Variants in NCKAP1 observed in about 807,000 individuals in gnomAD.
NCKAP1 encodes NCK associated protein 1.
Under a neutral mutation model 151.2 loss-of-function variants are expected in NCKAP1, and 21 were observed. The ratio of observed to expected loss-of-function variants is 0.14; its 90% CI spans 0.10 to 0.20. The LOEUF (loss-of-function observed/expected upper bound fraction) is 0.20. NCKAP1 is among the 10% of genes least tolerant of loss of function. NCKAP1 has a pLI of 1.00. For synonymous variants in NCKAP1, 484 were observed against 451.8 expected (o/e 1.07, Z -0.90); for missense variants, 933 against 1,352.1 (o/e 0.69, Z 4.86).
intron 1 of NCKAP1, among the ~76,000 whole-genome samples, chr2:183,033,325 T>G (rs570006555): frequency 6.6e-6 from 1 of 152,234 alleles, no homozygotes; most frequent in Non-Finnish European, 1.5e-5. Flanking sequence ...CAATCTGAAA[T>G]AGTAACTAGT....
chr2:182,979,155 T>C (rs961796564), intron 13 of NCKAP1, among the ~76,000 whole-genome samples: 5 of 152,082 alleles, frequency 3.3e-5, no homozygotes, highest in Admixed American at 6.6e-5. Context: ...ATACACTATA[T>C]AGGAAAATTT....
In NCKAP1 at chr2:182,995,825, G is replaced by A. The variant is rs748595630; in HGVS notation, c.617C>T (p.Ala206Val). 2 of 1,609,812 alleles carry A rather than the reference G, an allele frequency of 1.2e-6. No homozygotes were observed. Among genetic ancestry groups the A allele is most frequent in the Non-Finnish European group, 1.7e-6 (2 of 1,176,408 alleles). ...ATATACCATTTGAAGAGAAATTAGT[G>A]CATCTGAAAGAGACTAATTAAAATA... ...FVPHSKSLSD[A>V]LISLQMVYPR... The change falls in exon 7 of 31, where the codon GCA becomes GTA. Residue 206 changes from alanine (A) to valine (V), a missense_variant. Around this residue, in one of 2 missense-constraint regions of NCKAP1, gnomAD observed 607 missense variants for 795.0 expected, o/e 0.76. Coordinates refer to ENST00000361354, the MANE Select transcript of NCKAP1 (RefSeq NM_013436.5).
At chr2:182,946,576 C>T (rs1697111191) in intron 23 of NCKAP1, among the ~76,000 whole-genome samples, 1 of 151,504 alleles carries the variant, frequency 6.6e-6, no homozygotes, top group African/African-American at 2.4e-5. Context: ...GCACATGCAC[C>T]CCTGAACGTA....
At chr2:182,962,544 A>C (rs1697477815) in intron 17 of NCKAP1, among the ~76,000 whole-genome samples, 1 of 152,106 alleles carries the variant, frequency 6.6e-6, no homozygotes, top group Admixed American at 6.6e-5. Context: ...AACATGAAAA[A>C]CTATGTATTT....
At chr2:182,934,942 TTATC>T (rs1365537210) in intron 25 of NCKAP1, 110 bp from the exon 26 acceptor site, 8 of 585,084 alleles carry the variant, frequency 1.4e-5, no homozygotes, top group South Asian at 6.0e-5. Context: ...TTATTTTACT[TTATC>T]TACTTTCAGT....
chr2:182,990,973 C>A (rs1559096700), intron 8 of NCKAP1, among the ~76,000 whole-genome samples: 1 of 152,100 alleles, frequency 6.6e-6, no homozygotes, highest in Non-Finnish European at 1.5e-5. Flanking sequence ...ATCAAAGAAA[C>A]AGAATACATG....
At chr2:182,976,340 G>GT (rs202096713) in intron 15 of NCKAP1, among the ~76,000 whole-genome samples, 1 of 152,298 alleles carries the variant, frequency 6.6e-6, no homozygotes, top group African/African-American at 2.4e-5. Flanking sequence ...GAAAATGGAA[G>GT]TTTTTTGTAC....
At chr2:182,961,900 C>T (rs1384340959) in intron 18 of NCKAP1, among the ~76,000 whole-genome samples, 2 of 152,116 alleles carry the variant, frequency 1.3e-5, no homozygotes, top group African/African-American at 4.8e-5. Context: ...CAAGAAATAG[C>T]AGAATCAGGT....
intron 13 of NCKAP1, among the ~76,000 whole-genome samples, chr2:182,980,993 C>T (rs1697926023): frequency 6.6e-6 from 1 of 152,194 alleles, no homozygotes; most frequent in Admixed American, 6.5e-5. Flanking sequence ...CGTACACCTC[C>T]ATCTTCAGGA....
At chr2:182,957,820 G>A (rs1697356788) in intron 18 of NCKAP1, among the ~76,000 whole-genome samples, 1 of 151,652 alleles carries the variant, frequency 6.6e-6, no homozygotes, top group Non-Finnish European at 1.5e-5. Flanking sequence ...CTTGTGTGAA[G>A]AAACACGTCA....
chr2:182,932,158 A>G (rs1040897693), intron 26 of NCKAP1, among the ~76,000 whole-genome samples: 1 of 152,188 alleles, frequency 6.6e-6, no homozygotes, highest in Non-Finnish European at 1.5e-5. Flanking sequence ...CACACATTAA[A>G]AACTTGTACA....
intron 24 of NCKAP1, among the ~76,000 whole-genome samples, chr2:182,939,432 T>C (rs953400619): frequency 6.6e-6 from 1 of 152,006 alleles, no homozygotes; most frequent in Admixed American, 6.6e-5. Context: ...GGGAGGCTGA[T>C]GCAGGAGAAT....
intron 24 of NCKAP1, among the ~76,000 whole-genome samples, chr2:182,937,114 C>CAAAAAAA: frequency 1.2e-5 from 1 of 80,810 alleles, no homozygotes; most frequent in African/African-American, 5.4e-5. Flanking sequence ...GACTGTCTCA[C>CAAAAAAA]AAAAAAAAAA....
In NCKAP1 at chr2:182,926,770, C is replaced by T. The variant is rs113570654; in HGVS notation, c.3270+46G>A. 6,573 of 1,296,524 alleles carry T rather than the reference C, an allele frequency of 5.1e-3. 29 individuals carry two copies. Among genetic ancestry groups the T allele is most frequent in the African/African-American group, 0.016 (1,088 of 66,258 alleles). 80.3% of individuals were successfully genotyped at this position (1,296,524 alleles called of 1,614,324 possible). A position where few individuals can be genotyped will look rare whatever the true frequency, so the allele number is the denominator to read the frequency against. ...GATGCCAAGAAAAGATTCTCAGGAA[C>T]GACTGGAACTTTTTTATTGTTAGTA... On this transcript the variant is annotated intron_variant, in intron 30 of 30. Coordinates refer to ENST00000361354, the MANE Select transcript of NCKAP1 (RefSeq NM_013436.5).
Position 182,924,661 on chromosome 2 carries a change from C to T in NCKAP1, c.*1041G>A, listed in dbSNP as rs1696605305. 1 of 151,828 alleles carries T rather than the reference C, an allele frequency of 6.6e-6. No homozygotes were observed. The highest frequency in any genetic ancestry group is 2.4e-5 in the African/African-American group (1 of 41,322). The allele number at this position is 151,828 out of a possible 1,614,324, so 9.4% of individuals were successfully genotyped here. ...ACAGCATACAAGTTTTCTTTAAGTT[C>T]TTAATTTTTAAGAAGTATTGTGTAA... On this transcript the variant is annotated 3_prime_UTR_variant, in exon 31 of 31. Coordinates refer to ENST00000361354, the MANE Select transcript of NCKAP1 (RefSeq NM_013436.5).
At position 182,924,578 on chromosome 2, in the gene NCKAP1, T is replaced by C. The variant is rs974683853; in HGVS notation, c.*1124A>G. 2.6e-5 allele frequency: 4 copies of C among 152,022 alleles called. No individual in the cohort carries two copies. The highest frequency in any genetic ancestry group is 4.4e-5 in the Non-Finnish European group (3 of 67,986). The allele number at this position is 152,022 out of a possible 1,614,324, so 9.4% of individuals were successfully genotyped here. ...CTCACTAGTCCCATGATCACTCAAT[T>C]TTTTTTCCCTATTCTTTTAAATAAC... On this transcript the variant is annotated 3_prime_UTR_variant, in exon 31 of 31. Coordinates refer to ENST00000361354, the MANE Select transcript of NCKAP1 (RefSeq NM_013436.5).
intron 6 of NCKAP1, among the ~76,000 whole-genome samples, chr2:182,996,080 T>C (rs1227060653): frequency 1.3e-5 from 2 of 152,350 alleles, no homozygotes; most frequent in South Asian, 2.1e-4. Flanking sequence ...CAGAAACTCA[T>C]GTTATTTTCT....
At chr2:183,034,932 A>G (rs1464290312) in intron 1 of NCKAP1, among the ~76,000 whole-genome samples, 1 of 152,152 alleles carries the variant, frequency 6.6e-6, no homozygotes, top group Non-Finnish European at 1.5e-5. Flanking sequence ...CCAATGTTAG[A>G]GAACTCTCAG....
intron 1 of NCKAP1, among the ~76,000 whole-genome samples, chr2:183,034,977 C>T (rs1459333571): frequency 1.3e-5 from 2 of 152,108 alleles, no homozygotes; most frequent in African/African-American, 4.8e-5. Flanking sequence ...AGTCTCTTAA[C>T]TTCTGGCCCA....
Sources: gnomAD v4.1 joint callset for allele counts (sites outside exome capture counted in the v4.1 genomes callset) on GRCh38, gnomAD v4.1.1 for gene constraint, gnomAD v4.1.1 regional missense constraint, MANE v1.5 for transcripts, NCBI Gene and HGNC (gene_info 2026-07-23, HGNC 2026-07-21) for gene names.